The following ADAMTS18 variants were observed in gnomAD, a reference collection of about 807,000 sequenced individuals.
ADAMTS18 encodes the protein ADAM metallopeptidase with thrombospondin type 1 motif 18.
In ADAMTS18, 157 loss-of-function variants were observed where a neutral mutation model predicts 165.9. That is an observed-to-expected ratio of 0.95 (90% CI 0.83 to 1.08). ADAMTS18 has a LOEUF of 1.08. Ranked by LOEUF, ADAMTS18 falls within the 50% of genes least tolerant of loss-of-function variation. ADAMTS18 has a pLI of 0.00. For synonymous variants in ADAMTS18, 782 were observed against 578.2 expected (o/e 1.35, Z -5.06); for missense variants, 2,040 against 1,534.0 (o/e 1.33, Z -5.51).
At chr16:77,382,504 C>T (rs2057046289) in intron 3 of ADAMTS18, among the ~76,000 whole-genome samples, 1 of 152,208 alleles carries the variant, frequency 6.6e-6, no homozygotes, top group South Asian at 2.1e-4. Flanking sequence ...GCCACCGTGC[C>T]TGGCCCCTAA....
At chr16:77,331,089 T>C (rs1166205932) in intron 12 of ADAMTS18, among the ~76,000 whole-genome samples, 1 of 152,218 alleles carries the variant, frequency 6.6e-6, no homozygotes, top group Non-Finnish European at 1.5e-5. Flanking sequence ...TTGTTTTAAA[T>C]GATAAAACTG....
chr16:77,422,524 G>A (rs1190849817), intron 3 of ADAMTS18, among the ~76,000 whole-genome samples: 1 of 147,086 alleles, frequency 6.8e-6, no homozygotes, highest in Non-Finnish European at 1.5e-5. Flanking sequence ...TGGGGAGGGA[G>A]GGAAGAGAGG....
At chr16:77,293,345 C>T (rs2055405248) in intron 19 of ADAMTS18, 87 bp from the exon 20 acceptor site, 7 of 1,187,454 alleles carry the variant, frequency 5.9e-6, no homozygotes, top group Non-Finnish European at 8.7e-6. Context: ...AAATATATTC[C>T]TGTGAAAGGT....
chr16:77,334,722 C>A (rs866657087), intron 12 of ADAMTS18, among the ~76,000 whole-genome samples: 8,418 of 42,496 alleles, frequency 0.2, 609 homozygotes, highest in East Asian at 0.29. Context: ...CTATAGTATA[C>A]TACTATATAC....
chr16:77,399,084 C>T (rs1023175424), intron 3 of ADAMTS18, among the ~76,000 whole-genome samples: 16 of 152,210 alleles, frequency 1.1e-4, no homozygotes, highest in African/African-American at 3.9e-4. Flanking sequence ...ATGCCTCCCA[C>T]CCCACTTTCA....
chr16:77,310,538 A>G (rs2055761261), intron 16 of ADAMTS18, among the ~76,000 whole-genome samples: 2 of 152,192 alleles, frequency 1.3e-5, no homozygotes, highest in Non-Finnish European at 2.9e-5. Context: ...GTTGCTTCCC[A>G]AAAGAATGGA....
chr16:77,316,316 G>C (rs916982548), intron 16 of ADAMTS18, among the ~76,000 whole-genome samples: 1 of 151,202 alleles, frequency 6.6e-6, no homozygotes, highest in East Asian at 2.0e-4. Flanking sequence ...GTGCAGTAGT[G>C]CAATCTCGGC....
chr16:77,331,992 C>T (rs1439060262), intron 12 of ADAMTS18, among the ~76,000 whole-genome samples: 1 of 152,112 alleles, frequency 6.6e-6, no homozygotes, highest in Non-Finnish European at 1.5e-5. Context: ...TCTCAATTCA[C>T]CAAATAGTTA....
At position 77,434,865 on chromosome 16, in the gene ADAMTS18, G is replaced by T. The variant is rs920512701; in HGVS notation, c.-170C>A. ...GGCGCGCTGGGACCTCCCCTCCTCC[G>T]GCCGCCTGCGCGCCCTCCCTTCTCC... On this transcript the variant is annotated 5_prime_UTR_variant, in exon 1 of 23. Transcript: ENST00000282849. The T allele has an allele frequency of 2.1e-5, 10 of 482,954 alleles. No individual in the cohort carries two copies. The highest frequency in any genetic ancestry group is 4.6e-5 in the Admixed American group (1 of 21,644). The allele number at this position is 482,954 out of a possible 1,614,324, so 29.9% of individuals were successfully genotyped here. A position where few individuals can be genotyped will look rare whatever the true frequency, so the allele number is the denominator to read the frequency against.
chr16:77,332,591 G>C (rs1189053228), intron 12 of ADAMTS18, among the ~76,000 whole-genome samples: 1 of 152,208 alleles, frequency 6.6e-6, no homozygotes, highest in Non-Finnish European at 1.5e-5. Context: ...ACAGGGTTTA[G>C]AGTCTTTCTA....
chr16:77,325,922 T>A lies in ADAMTS18; in HGVS notation c.1976A>T (p.Asn659Ile), dbSNP rs775866782. The A allele has an allele frequency of 6.2e-7, 1 of 1,614,030 alleles. No homozygotes were observed. Among genetic ancestry groups the A allele is most frequent in the African/African-American group, 1.3e-5 (1 of 74,936 alleles). The change falls in exon 13 of 23, where the codon AAC becomes ATC. Residue 659 changes from asparagine (N) to isoleucine (I), a missense_variant. Coordinates refer to ENST00000282849, the MANE Select transcript of ADAMTS18 (RefSeq NM_199355.4). ...GAACCATCCACGGAAAGGTTTGCTGTTATATTCTGCACACTGTTGAGCCCG... is the reference window on the plus strand; with the variant it reads ...GAACCATCCACGGAAAGGTTTGCTGATATATTCTGCACACTGTTGAGCCCG... Reference protein sequence around the residue: ...DFRAQQCAEYNSKPFRGWFYQ... With the variant: ...DFRAQQCAEYISKPFRGWFYQ...
intron 18 of ADAMTS18, 137 bp downstream of exon 18, chr16:77,297,152 T>C: frequency 3.8e-6 from 5 of 1,307,788 alleles, no homozygotes; most frequent in Non-Finnish European, 5.4e-6. Context: ...TCATCTTCTA[T>C]TACTTTTTAA....
intron 3 of ADAMTS18, among the ~76,000 whole-genome samples, chr16:77,409,644 A>T (rs2057435880): frequency 6.6e-6 from 1 of 152,186 alleles, no homozygotes; most frequent in African/African-American, 2.4e-5. Flanking sequence ...CAACAGGTTT[A>T]TGGCATTTAT....
At chr16:77,411,989 G>A (rs1165909206) in intron 3 of ADAMTS18, among the ~76,000 whole-genome samples, 1 of 151,940 alleles carries the variant, frequency 6.6e-6, no homozygotes, top group Non-Finnish European at 1.5e-5. Context: ...AGCCCAGCCA[G>A]TGCCCAAAGA....
chr16:77,396,802 T>A (rs1265572970), intron 3 of ADAMTS18, among the ~76,000 whole-genome samples: 1 of 70,994 alleles, frequency 1.4e-5, no homozygotes, highest in Non-Finnish European at 3.0e-5. Flanking sequence ...CTTCATTGCC[T>A]TTTTTTTTTT....
In ADAMTS18 at chr16:77,346,350, T is replaced by A. The variant is rs753831436; in HGVS notation, c.1615-4551A>T. On this transcript the variant is annotated intron_variant, in intron 10 of 22. Coordinates refer to ENST00000282849, the MANE Select transcript of ADAMTS18 (RefSeq NM_199355.4). ...GATGTATCCCAAGCACCCAAAACAGTGCCTGGTACAAAGTAGGCTTCAGTA... is the reference window on the plus strand; with the variant it reads ...GATGTATCCCAAGCACCCAAAACAGAGCCTGGTACAAAGTAGGCTTCAGTA... Among the ~76,000 whole-genome samples the A allele has an allele frequency of 9.7e-4, 148 of 152,134 alleles. 1 individual carries two copies. Among genetic ancestry groups the A allele is most frequent in the Middle Eastern group, 3.2e-3 (1 of 316 alleles).
At chr16:77,303,597 C>G (rs971330392) in intron 16 of ADAMTS18, among the ~76,000 whole-genome samples, 2 of 151,390 alleles carry the variant, frequency 1.3e-5, no homozygotes, top group Non-Finnish European at 2.9e-5. Context: ...TCTAAGCCAC[C>G]ATCATGTCTC....
chr16:77,389,456 G>C (rs1415059737), intron 3 of ADAMTS18, among the ~76,000 whole-genome samples: 1 of 152,192 alleles, frequency 6.6e-6, no homozygotes, highest in Non-Finnish European at 1.5e-5. Flanking sequence ...ATGACAGTGT[G>C]TGTCTGTCAG....
chr16:77,409,226 T>C (rs1410214066), intron 3 of ADAMTS18, among the ~76,000 whole-genome samples: 2 of 152,166 alleles, frequency 1.3e-5, no homozygotes, highest in African/African-American at 2.4e-5. Flanking sequence ...TAATTATTTT[T>C]AAAGCAGAAA....
Sources: allele counts gnomAD v4.1 joint callset (sites outside exome capture counted in the v4.1 genomes callset), GRCh38; gene constraint gnomAD v4.1.1; transcripts MANE v1.5; gene names NCBI Gene and HGNC (gene_info 2026-07-23, HGNC 2026-07-21).